LRRC74A: variants seen among roughly 807,000 people sequenced by gnomAD.
LRRC74A encodes leucine rich repeat containing 74A.
In LRRC74A, 44 loss-of-function variants were observed where a neutral mutation model predicts 57.9. That is an observed-to-expected ratio of 0.76 (90% CI 0.60 to 0.98). The LOEUF (loss-of-function observed/expected upper bound fraction) is 0.98, where lower values mean the gene tolerates loss of function less well. Ranked by LOEUF, LRRC74A falls within the 50% of genes least tolerant of loss-of-function variation. The pLI is 0.00. For missense variants in LRRC74A, 572 were observed against 574.0 expected, an observed-to-expected ratio of 1.00 and a Z score of 0.04; for synonymous variants, 211 against 219.4, an observed-to-expected ratio of 0.96 and a Z score of 0.34.
At chr14:76,859,036 C>T (rs762958734) in intron 10 of LRRC74A, among the ~76,000 whole-genome samples, 9 of 152,178 alleles carry the variant, frequency 5.9e-5, no homozygotes, top group African/African-American at 1.4e-4. Flanking sequence ...TCCTCCCTGC[C>T]GCAGGCCCTT....
At chr14:76,860,959 G>T in intron 11 of LRRC74A, 120 bp downstream of exon 11, 1 of 966,082 alleles carries the variant, frequency 1.0e-6, no homozygotes, top group Non-Finnish European at 1.5e-6. Flanking sequence ...TCTCTGATAA[G>T]GAATGTCTCA....
At chr14:76,860,864 G>C in intron 11 of LRRC74A, 25 bp downstream of exon 11, 3 of 1,562,196 alleles carry the variant, frequency 1.9e-6, no homozygotes, top group Non-Finnish European at 2.6e-6. Context: ...TCCTCTCAGG[G>C]CCTCCAGGGA....
At chr14:76,864,770 C>T (rs1898641137) in intron 11 of LRRC74A, among the ~76,000 whole-genome samples, 1 of 152,114 alleles carries the variant, frequency 6.6e-6, no homozygotes, top group African/African-American at 2.4e-5. Context: ...AGGAGAATTG[C>T]TTGAACCTGG....
intron 2 of LRRC74A, 34 bp downstream of exon 2, chr14:76,828,453 C>G: frequency 6.2e-7 from 1 of 1,613,402 alleles, no homozygotes; most frequent in South Asian, 1.1e-5. Flanking sequence ...GTCAGGGCAG[C>G]TTCTCCTCAG....
At chr14:76,850,310 G>T (rs886569519) in intron 7 of LRRC74A, among the ~76,000 whole-genome samples, 1 of 152,180 alleles carries the variant, frequency 6.6e-6, no homozygotes, top group Non-Finnish European at 1.5e-5. Context: ...GGATCACATG[G>T]GTAGTAAGTG....
At position 76,853,315 on chromosome 14, in the gene LRRC74A, G is replaced by T. The variant is rs574874334; in HGVS notation, c.862G>T (p.Val288Phe). 5.3e-5 allele frequency: 85 copies of T among 1,613,452 alleles called. No individual in the cohort carries two copies. The South Asian group carries it at 8.8e-4, about 17-fold the overall frequency. Reference sequence around the variant, plus strand: ...AGTCCTCCGACTCAACCGCTGCCTGGTCTACCTGGATATCGGTGGCAATGA... The same window carrying T: ...AGTCCTCCGACTCAACCGCTGCCTGTTCTACCTGGATATCGGTGGCAATGA... ...GEVLRLNRCL[V>F]YLDIGGNDIG... The change falls in exon 9 of 14, where the codon GTC (valine) becomes TTC (phenylalanine). Residue 288 changes from valine to phenylalanine, a missense_variant. Physicochemically the swap from Val to Phe is conservative, Grantham distance 50. Transcript: ENST00000689127.
intron 9 of LRRC74A, among the ~76,000 whole-genome samples, chr14:76,856,521 TG>T (rs1897887179): frequency 1.3e-5 from 2 of 150,540 alleles, no homozygotes; most frequent in African/African-American, 4.9e-5. Flanking sequence ...GATGGATGGA[TG>T]GATGGATGGA....
intron 11 of LRRC74A, among the ~76,000 whole-genome samples, chr14:76,864,738 C>T (rs1230468755): frequency 1.3e-5 from 2 of 152,134 alleles, no homozygotes; most frequent in South Asian, 2.1e-4. Context: ...CCTGTAATCC[C>T]AGCTACCCGG....
chr14:76,859,762 A>G lies in LRRC74A; in HGVS notation c.1054-931A>G, dbSNP rs1459239713. On this transcript the variant is annotated intron_variant, in intron 10 of 13. Coordinates refer to ENST00000689127, the MANE Select transcript of LRRC74A (RefSeq NM_001385106.1). ...ATAGTCTCGGCTCACTGCAACCTCT[A>G]CCTCCCAGGTTCAAGCGATTCTCCT... Among the ~76,000 whole-genome samples the G allele has an allele frequency of 2.1e-5, 3 of 140,036 alleles. No homozygotes were observed. The East Asian group carries it at 6.3e-4, about 30-fold the overall frequency. The allele number at this position is 140,036 out of a possible 152,430, so 91.9% of individuals were successfully genotyped here.
intron 5 of LRRC74A, 125 bp from the exon 6 acceptor site, chr14:76,844,298 T>C: frequency 3.5e-6 from 3 of 866,086 alleles, no homozygotes; most frequent in Non-Finnish European, 5.6e-6. Flanking sequence ...CCAATGCGTC[T>C]GGCCCCTACC....
At chr14:76,836,021 A>G (rs954317048) in intron 3 of LRRC74A, among the ~76,000 whole-genome samples, 186 bp from the exon 4 acceptor site, 1 of 152,168 alleles carries the variant, frequency 6.6e-6, no homozygotes, top group African/African-American at 2.4e-5. Context: ...GAATCAGCGT[A>G]TTGTCCTAGC....
chr14:76,836,444 G>T (rs184517244), intron 4 of LRRC74A, 130 bp downstream of exon 4: 3 of 599,416 alleles, frequency 5.0e-6, no homozygotes, highest in Non-Finnish European at 9.0e-6. Flanking sequence ...CTTCCCACAC[G>T]ACTTCTTAGA....
At chr14:76,858,065 A>G (rs1263368540) in intron 10 of LRRC74A, among the ~76,000 whole-genome samples, 1 of 152,160 alleles carries the variant, frequency 6.6e-6, no homozygotes, top group South Asian at 2.1e-4. Flanking sequence ...TGTTTTTCCC[A>G]AAGTGATTTT....
intron 8 of LRRC74A, 118 bp downstream of exon 8, chr14:76,852,568 C>A: frequency 1.7e-6 from 1 of 594,834 alleles, no homozygotes; most frequent in Admixed American, 3.5e-5. Flanking sequence ...ACTGGGCTCT[C>A]ATCAAATACT....
chr14:76,840,345 T>C (rs1359536014), intron 5 of LRRC74A, among the ~76,000 whole-genome samples: 1 of 152,152 alleles, frequency 6.6e-6, no homozygotes, highest in African/African-American at 2.4e-5. Context: ...TTGTTGTTGT[T>C]GTGGTTTCTA....
intron 8 of LRRC74A, among the ~76,000 whole-genome samples, chr14:76,852,688 G>A (rs1044609930): frequency 2.1e-5 from 3 of 144,874 alleles, no homozygotes; most frequent in Admixed American, 7.3e-5. Flanking sequence ...GTGCAATCTC[G>A]GCTCACTGCA....
chr14:76,840,731 C>T (rs1380125501), intron 5 of LRRC74A, among the ~76,000 whole-genome samples: 1 of 151,770 alleles, frequency 6.6e-6, no homozygotes, highest in Admixed American at 6.6e-5. Flanking sequence ...CTACAGGCGC[C>T]CGCCACCTCG....
At chr14:76,865,316 T>G (rs907073961) in intron 11 of LRRC74A, among the ~76,000 whole-genome samples, 1 of 152,228 alleles carries the variant, frequency 6.6e-6, no homozygotes, top group Non-Finnish European at 1.5e-5. Context: ...ATGGAGGGCC[T>G]GCCTTTTCAT....
At chr14:76,840,825 C>T (rs930276900) in intron 5 of LRRC74A, among the ~76,000 whole-genome samples, 8 of 152,048 alleles carry the variant, frequency 5.3e-5, no homozygotes, top group Admixed American at 2.6e-4. Flanking sequence ...CCTCGTGATC[C>T]GCCTGCCTCG....
Sources: allele counts gnomAD v4.1 joint callset (sites outside exome capture counted in the v4.1 genomes callset), GRCh38; gene constraint gnomAD v4.1.1; transcripts MANE v1.5; gene names NCBI Gene and HGNC (gene_info 2026-07-23, HGNC 2026-07-21).